AQR: variants seen among roughly 807,000 people sequenced by gnomAD.
AQR encodes RNA helicase aquarius.
In AQR, 61 loss-of-function variants were observed where a neutral mutation model predicts 180.5. The ratio of observed to expected loss-of-function variants is 0.34; its 90% CI spans 0.28 to 0.42. The LOEUF is 0.42. AQR is among the 10% of genes least tolerant of loss of function. The pLI is 1.00. For synonymous variants in AQR, 551 were observed against 588.8 expected (o/e 0.94, Z 0.93); for missense variants, 1,281 against 1,798.3 (o/e 0.71, Z 5.20).
intron 20 of AQR, among the ~76,000 whole-genome samples, chr15:34,898,785 G>A (rs1893285984): frequency 1.3e-5 from 2 of 151,736 alleles, no homozygotes; most frequent in African/African-American, 4.8e-5. Flanking sequence ...TCAGGAGGCT[G>A]AGGCAGGAGA....
At chr15:34,857,745 T>C (rs78811492) in intron 34 of AQR, among the ~76,000 whole-genome samples, 11,524 of 151,680 alleles carry the variant, frequency 0.076, 1,474 homozygotes, top group African/African-American at 0.26. Context: ...AGAGAGATTC[T>C]GTCTCAAGAA....
chr15:34,947,228 G>C (rs372978656), intron 5 of AQR, among the ~76,000 whole-genome samples: 2,063 of 150,088 alleles, frequency 0.014, 50 homozygotes, highest in African/African-American at 0.045. Flanking sequence ...CCTGTGCTCT[G>C]TGAAACATGT....
intron 27 of AQR, 57 bp from the exon 28 acceptor site, chr15:34,876,063 A>C: frequency 7.9e-7 from 1 of 1,268,794 alleles, no homozygotes; most frequent in South Asian, 1.3e-5. Flanking sequence ...AACTACCATC[A>C]TAAACATAAT....
At chr15:34,926,375 A>G (rs1893764293) in intron 13 of AQR, among the ~76,000 whole-genome samples, 1 of 152,194 alleles carries the variant, frequency 6.6e-6, no homozygotes. Context: ...GAGCTGGGAG[A>G]TGATACAGTA....
chr15:34,897,875 C>T (rs1346749827), intron 20 of AQR, among the ~76,000 whole-genome samples, 170 bp from the exon 21 acceptor site: 2 of 152,144 alleles, frequency 1.3e-5, no homozygotes, highest in African/African-American at 2.4e-5. Context: ...CAAGCCCTAA[C>T]GTGTGTTGGG....
intron 27 of AQR, among the ~76,000 whole-genome samples, chr15:34,877,655 A>G (rs1202866592): frequency 6.6e-6 from 1 of 152,244 alleles, no homozygotes; most frequent in African/African-American, 2.4e-5. Flanking sequence ...CAATTCTGAA[A>G]ATATAATGCA....
At chr15:34,927,246 C>A in intron 12 of AQR, 108 bp from the exon 13 acceptor site, 1 of 548,374 alleles carries the variant, frequency 1.8e-6, no homozygotes, top group South Asian at 5.4e-5. Flanking sequence ...GCATTTCTGT[C>A]TCTTATATGC....
intron 8 of AQR, among the ~76,000 whole-genome samples, chr15:34,940,368 T>C (rs918534561): frequency 6.6e-6 from 1 of 152,036 alleles, no homozygotes; most frequent in Non-Finnish European, 1.5e-5. Flanking sequence ...CTGTCTCTAT[T>C]AAAAATACAA....
chr15:34,916,344 A>G (rs933452228), intron 15 of AQR, among the ~76,000 whole-genome samples: 2 of 152,290 alleles, frequency 1.3e-5, no homozygotes, highest in African/African-American at 2.4e-5. Context: ...CTCTTAGACA[A>G]TAAGTGACCA....
chr15:34,936,577 A>T (rs10152264), intron 9 of AQR, among the ~76,000 whole-genome samples: 2,748 of 152,144 alleles, frequency 0.018, 77 homozygotes, highest in African/African-American at 0.058. Flanking sequence ...TTAGCCGGGC[A>T]TGGTGGTGTG....
intron 11 of AQR, among the ~76,000 whole-genome samples, chr15:34,931,037 CGT>C (rs1026124304): frequency 1.3e-5 from 2 of 151,978 alleles, no homozygotes; most frequent in Admixed American, 6.6e-5. Flanking sequence ...GGGGTTTCAC[CGT>C]GTTAGCCAGG....
chr15:34,858,507 A>C (rs951656486), intron 34 of AQR, among the ~76,000 whole-genome samples: 2 of 152,176 alleles, frequency 1.3e-5, no homozygotes, highest in African/African-American at 4.8e-5. Flanking sequence ...AATCTCCCCA[A>C]ATAGATCCTA....
intron 8 of AQR, 106 bp downstream of exon 8, chr15:34,940,793 T>A: frequency 2.5e-6 from 2 of 801,812 alleles, no homozygotes; most frequent in Non-Finnish European, 4.1e-6. Context: ...TAATAATTTA[T>A]TTGCACTCAG....
intron 34 of AQR, among the ~76,000 whole-genome samples, chr15:34,857,756 A>T (rs1892609301): frequency 6.6e-6 from 1 of 152,024 alleles, no homozygotes; most frequent in African/African-American, 2.4e-5. Context: ...GTCTCAAGAA[A>T]AAGAAAAAGA....
At chr15:34,948,983 T>C (rs1185350589) in intron 4 of AQR, among the ~76,000 whole-genome samples, 2 of 151,940 alleles carry the variant, frequency 1.3e-5, no homozygotes, top group Non-Finnish European at 2.9e-5. Context: ...GATATTCCCT[T>C]ACTTAAGGCT....
intron 16 of AQR, among the ~76,000 whole-genome samples, chr15:34,914,798 T>C (rs895539069): frequency 2.0e-5 from 3 of 152,118 alleles, no homozygotes; most frequent in African/African-American, 7.2e-5. Context: ...GACGACTTCT[T>C]CTCCCTTATC....
rs376273928 is a variant in AQR at position 34,867,474 on chromosome 15, A to T, written c.3854+50T>A. On this transcript the variant is annotated intron_variant, in intron 32 of 34. Coordinates refer to ENST00000156471, the MANE Select transcript of AQR (RefSeq NM_014691.3). Reference sequence around the variant, plus strand: ...ACTTAGCCACAGAATTTCAAAATTGAAGTAGATAGTAAAGTTCAATAAATA... The same window carrying T: ...ACTTAGCCACAGAATTTCAAAATTGTAGTAGATAGTAAAGTTCAATAAATA... 68 of 1,471,658 alleles carry T rather than the reference A, an allele frequency of 4.6e-5. No homozygotes were observed. In the African/African-American group the frequency reaches 7.9e-4, roughly 17 times the overall value. The allele number at this position is 1,471,658 out of a possible 1,614,324, so 91.2% of individuals were successfully genotyped here.
intron 27 of AQR, among the ~76,000 whole-genome samples, chr15:34,877,643 A>G (rs1892907089): frequency 1.3e-5 from 2 of 152,228 alleles, no homozygotes; most frequent in Non-Finnish European, 2.9e-5. Flanking sequence ...CTTTCTGAAA[A>G]TCAATTCTGA....
In AQR at chr15:34,918,373, A is replaced by G. The variant is rs768418282; in HGVS notation, c.1227T>C (p.Ser409=). ...TCTGAGAAATTCGACGTTCATGACG[A>G]GATACCTAAAATAAAGGAAACAAGT... is the stretch of plus-strand genomic sequence containing the variant. The part of the protein sequence containing the change: ...DKEFLLELLV[S]RHERRISQIQ... Residue 409 remains serine (S), a synonymous_variant, in exon 15 of 35, where the codon TCT becomes TCC. Coordinates refer to ENST00000156471, the MANE Select transcript of AQR (RefSeq NM_014691.3). 1.2e-5 allele frequency: 19 copies of G among 1,613,292 alleles called. No homozygotes were observed. The South Asian group carries it at 2.1e-4, about 18-fold the overall frequency.
Sources: gnomAD v4.1 joint callset for allele counts (sites outside exome capture counted in the v4.1 genomes callset) on GRCh38, gnomAD v4.1.1 for gene constraint, MANE v1.5 for transcripts, NCBI Gene and HGNC (gene_info 2026-07-23, HGNC 2026-07-21) for gene names.